Variants in USP54 observed in about 807,000 individuals in gnomAD.
USP54 encodes ubiquitin carboxyl-terminal hydrolase 54.
A neutral mutation model predicts 170.5 loss-of-function variants in USP54; 87 were observed. The ratio of observed to expected loss-of-function variants is 0.51; its 90% CI spans 0.43 to 0.61. USP54 has a LOEUF of 0.61. Ranked by LOEUF, USP54 falls within the 20% of genes least tolerant of loss-of-function variation. USP54 has a pLI of 0.00. For missense variants in USP54, 1,786 were observed against 2,047.8 expected (o/e 0.87, Z 2.47); for synonymous variants, 655 against 742.8 (o/e 0.88, Z 1.92).
At chr10:73,509,814 C>G (rs1328791072) in intron 20 of USP54, among the ~76,000 whole-genome samples, 1 of 151,660 alleles carries the variant, frequency 6.6e-6, no homozygotes, top group Non-Finnish European at 1.5e-5. Flanking sequence ...TAGAGACCAA[C>G]CTGGGCAACA....
intron 4 of USP54, among the ~76,000 whole-genome samples, chr10:73,569,580 T>C (rs554288652): frequency 4.0e-5 from 6 of 151,724 alleles, no homozygotes; most frequent in Non-Finnish European, 8.8e-5. Flanking sequence ...AGTGAGACCC[T>C]GTCTCTACTA....
intron 20 of USP54, among the ~76,000 whole-genome samples, chr10:73,510,430 A>G (rs1361593727): frequency 1.3e-5 from 2 of 151,500 alleles, no homozygotes; most frequent in Non-Finnish European, 2.9e-5. Context: ...AAGTACCTGG[A>G]GGGTTATTAT....
At chr10:73,536,488 A>G in intron 10 of USP54, 51 bp from the exon 11 acceptor site, 1 of 1,458,314 alleles carries the variant, frequency 6.9e-7, no homozygotes, top group Non-Finnish European at 9.1e-7. Context: ...TATACCCACA[A>G]TTCACAACAT....
At chr10:73,532,457 G>A (rs1272685403) in intron 12 of USP54, among the ~76,000 whole-genome samples, 1 of 152,176 alleles carries the variant, frequency 6.6e-6, no homozygotes, top group Non-Finnish European at 1.5e-5. Context: ...TTACAGGCGT[G>A]AGCCACTGTG....
intron 22 of USP54, among the ~76,000 whole-genome samples, chr10:73,502,369 C>T (rs972564665): frequency 1.3e-5 from 2 of 152,198 alleles, no homozygotes; most frequent in African/African-American, 2.4e-5. Flanking sequence ...AGTGCAGTGG[C>T]GCAATCTCGG....
At chr10:73,622,409 C>A (rs1024102669) in intron 1 of USP54, among the ~76,000 whole-genome samples, 1 of 151,884 alleles carries the variant, frequency 6.6e-6, no homozygotes. Context: ...CTGTAACCTC[C>A]GCTTCCTGGG....
intron 1 of USP54, among the ~76,000 whole-genome samples, chr10:73,599,555 G>A (rs556061086): frequency 3.3e-5 from 5 of 152,160 alleles, no homozygotes; most frequent in African/African-American, 1.2e-4. Flanking sequence ...CAAAGACAGT[G>A]GCTCTGAGAT....
intron 1 of USP54, among the ~76,000 whole-genome samples, chr10:73,580,218 T>C (rs768589984): frequency 9.3e-5 from 14 of 150,666 alleles, no homozygotes; most frequent in South Asian, 2.1e-4. Flanking sequence ...CTAGGGGGCA[T>C]TGAGGCAGGA....
At chr10:73,535,554 A>AT (rs2065050115) in intron 11 of USP54, among the ~76,000 whole-genome samples, 1 of 152,248 alleles carries the variant, frequency 6.6e-6, no homozygotes. Context: ...CTATTAGGTT[A>AT]TACCTCAAAT....
intron 22 of USP54, among the ~76,000 whole-genome samples, chr10:73,503,537 G>C (rs1472158964): frequency 3.9e-5 from 6 of 152,158 alleles, no homozygotes; most frequent in African/African-American, 1.4e-4. Flanking sequence ...TGATACAGAA[G>C]TCAGAAGAAA....
chr10:73,538,756 G>A (rs765669746), intron 10 of USP54, among the ~76,000 whole-genome samples: 1 of 152,164 alleles, frequency 6.6e-6, no homozygotes, highest in Non-Finnish European at 1.5e-5. Context: ...AGGCTGCAGT[G>A]AGCCATTATC....
chr10:73,561,325 T>G (rs2072989971), intron 4 of USP54, among the ~76,000 whole-genome samples: 1 of 152,000 alleles, frequency 6.6e-6, no homozygotes, highest in African/African-American at 2.4e-5. Flanking sequence ...TAGATAGCAT[T>G]TCTAAAACTT....
At chr10:73,520,506 A>G (rs2061727001) in intron 18 of USP54, among the ~76,000 whole-genome samples, 1 of 152,264 alleles carries the variant, frequency 6.6e-6, no homozygotes. Flanking sequence ...ATCAGAAAGA[A>G]TCAAATACTG....
intron 10 of USP54, among the ~76,000 whole-genome samples, chr10:73,536,667 G>A (rs182989761): frequency 6.6e-5 from 10 of 152,208 alleles, no homozygotes; most frequent in Middle Eastern, 3.4e-3. Flanking sequence ...ATAAAAGAAT[G>A]AATAAAATTA....
At chr10:73,614,415 G>A (rs2080433845) in intron 1 of USP54, among the ~76,000 whole-genome samples, 1 of 149,642 alleles carries the variant, frequency 6.7e-6, no homozygotes, top group African/African-American at 2.6e-5. Context: ...CAGTAAATTA[G>A]CCAGGCGTAG....
chr10:73,547,239 T>G (rs995685650), intron 4 of USP54, among the ~76,000 whole-genome samples: 4 of 152,012 alleles, frequency 2.6e-5, no homozygotes, highest in Non-Finnish European at 5.9e-5. Flanking sequence ...CCGTCTCTAC[T>G]AAAAATACAA....
chr10:73,549,786 A>G (rs1241209041), intron 4 of USP54, among the ~76,000 whole-genome samples: 1 of 152,208 alleles, frequency 6.6e-6, no homozygotes, highest in Admixed American at 6.5e-5. Flanking sequence ...AAATACAGCA[A>G]TCATATGATT....
At chr10:73,600,412 A>T (rs2079075196) in intron 1 of USP54, among the ~76,000 whole-genome samples, 1 of 152,204 alleles carries the variant, frequency 6.6e-6, no homozygotes, top group Non-Finnish European at 1.5e-5. Flanking sequence ...TATCAACATC[A>T]ATACCCCAGT....
chr10:73,574,187 A>C (rs1324208799), intron 3 of USP54, among the ~76,000 whole-genome samples: 1 of 152,198 alleles, frequency 6.6e-6, no homozygotes, highest in Non-Finnish European at 1.5e-5. Flanking sequence ...TTGGGATTCT[A>C]AGATCACTCA....
Sources: gnomAD v4.1 joint callset for allele counts (sites outside exome capture counted in the v4.1 genomes callset) on GRCh38, gnomAD v4.1.1 for gene constraint, MANE v1.5 for transcripts, NCBI Gene and HGNC (gene_info 2026-07-23, HGNC 2026-07-21) for gene names.